The following PCDHGA4 variants were observed in gnomAD, a reference collection of about 807,000 sequenced individuals.
PCDHGA4 encodes protocadherin gamma-A4.
A neutral mutation model predicts 54.6 loss-of-function variants in PCDHGA4; 38 were observed. That is an observed-to-expected ratio of 0.70 (90% CI 0.54 to 0.91). The LOEUF is 0.91. Among genes scored for constraint, PCDHGA4 ranks in the 40% least tolerant of loss-of-function variants. The pLI is 0.00. For missense variants in PCDHGA4, 1,298 were observed against 1,220.9 expected, an observed-to-expected ratio of 1.06 and a Z score of -0.94; for synonymous variants, 511 against 512.9, an observed-to-expected ratio of 1.00 and a Z score of 0.05.
chr5:141,438,526 G>A (rs188552043), intron 1 of PCDHGA4, among the ~76,000 whole-genome samples: 11 of 143,330 alleles, frequency 7.7e-5, no homozygotes, highest in Non-Finnish European at 1.5e-4. Flanking sequence ...ATTTTACATG[G>A]ACTTTTCCTC....
intron 1 of PCDHGA4, chr5:141,361,605 C>T (rs1291967828): frequency 4.3e-6 from 7 of 1,613,908 alleles, no homozygotes; most frequent in South Asian, 1.1e-5. Flanking sequence ...TTTCCTACTC[C>T]ATCGTAGCGA....
chr5:141,394,393 A>G lies in PCDHGA4; in HGVS notation c.2514+36772A>G, dbSNP rs201461446. ...TCTTTCGACTATGAGCAGATCCGAG[A>G]CCTGCAGCTACTGGTAACAGCCAGC... On this transcript the variant is annotated intron_variant, in intron 1 of 3. Coordinates refer to ENST00000571252, the MANE Select transcript of PCDHGA4 (RefSeq NM_018917.4). The G allele has an allele frequency of 4.3e-4, 696 of 1,614,048 alleles. No individual in the cohort carries two copies. The highest frequency in any genetic ancestry group is 5.7e-4 in the Non-Finnish European group (671 of 1,180,036).
At chr5:141,379,257 AG>A (rs1177830899) in intron 1 of PCDHGA4, 8 of 152,234 alleles carry the variant, frequency 5.3e-5, no homozygotes, top group Non-Finnish European at 1.2e-4. Flanking sequence ...TTTACATTTA[AG>A]GAATTGTTAT....
chr5:141,385,588 A>G (rs1290476871), intron 1 of PCDHGA4: 11 of 1,258,860 alleles, frequency 8.7e-6, no homozygotes, highest in East Asian at 3.3e-5. Context: ...CTATGTTCCA[A>G]CCTACTTTCT....
At chr5:141,413,306 A>G in intron 1 of PCDHGA4, 1 of 1,613,958 alleles carries the variant, frequency 6.2e-7, no homozygotes, top group Non-Finnish European at 8.5e-7. Context: ...GAGGAATTAG[A>G]GAAAGGCTCT....
At chr5:141,388,104 T>C in intron 1 of PCDHGA4, 1 of 1,386,112 alleles carries the variant, frequency 7.2e-7, no homozygotes, top group Non-Finnish European at 1.0e-6. Context: ...GGAGAAGCCT[T>C]ACTTCACCGT....
In PCDHGA4 at chr5:141,399,312, A is replaced by C. The variant is rs142753281; in HGVS notation, c.2514+41691A>C. 774 of 1,613,972 alleles carry C rather than the reference A, an allele frequency of 4.8e-4. 4 individuals carry two copies. The African/African-American group carries it at 8.9e-3, about 19-fold the overall frequency. ...CTTTTAAGATTATCTCTTCATCCAAAAATTCGTATAAGTTGGTAACAGATG... is the reference window on the plus strand; with the variant it reads ...CTTTTAAGATTATCTCTTCATCCAACAATTCGTATAAGTTGGTAACAGATG... On this transcript the variant is annotated intron_variant, in intron 1 of 3. Transcript: ENST00000571252.
intron 1 of PCDHGA4, chr5:141,375,764 G>C (rs746447899): frequency 1.9e-6 from 3 of 1,614,234 alleles, no homozygotes; most frequent in Non-Finnish European, 1.7e-6. Flanking sequence ...CAATGCGCCC[G>C]AGATCCTGTA....
chr5:141,389,942 G>C lies in PCDHGA4; in HGVS notation c.2514+32321G>C, dbSNP rs775707080. On this transcript the variant is annotated intron_variant, in intron 1 of 3. Coordinates refer to ENST00000571252, the MANE Select transcript of PCDHGA4 (RefSeq NM_018917.4). ...ACCCCTCTGACCTCCAGGCTGAGCT[G>C]CAGTTTTACCTAGTGGTGGCCTTGG... is the stretch of plus-strand genomic sequence containing the variant. The C allele has an allele frequency of 2.5e-6, 4 of 1,613,952 alleles. No individual in the cohort carries two copies. The African/African-American group carries it at 5.3e-5, about 22-fold the overall frequency.
chr5:141,427,854 TGC>T (rs2097079964), intron 1 of PCDHGA4: 1 of 1,553,594 alleles, frequency 6.4e-7, no homozygotes, highest in Non-Finnish European at 8.8e-7. Context: ...CGAGCAGCTG[TGC>T]GCCTTCGAGC....
At position 141,491,222 on chromosome 5, in the gene PCDHGA4, C is replaced by A. The variant is rs1185734506; in HGVS notation, c.2515-3585C>A. 6.2e-7 allele frequency: 1 copy of A among 1,614,268 alleles called. No homozygotes were observed. Among genetic ancestry groups the A allele is most frequent in the East Asian group, 2.2e-5 (1 of 44,892 alleles). On this transcript the variant is annotated intron_variant, in intron 1 of 3. Transcript: ENST00000571252. This position sits in a 1 kb window ranked among gnomAD's most constrained non-coding sequence, Gnocchi z 6.9. Reference sequence around the variant, plus strand: ...GACCCTTCACTCTCCTCCACAGCCACAGTGCTGCTGGTTCTGGAGGATGAG... The same window carrying A: ...GACCCTTCACTCTCCTCCACAGCCAAAGTGCTGCTGGTTCTGGAGGATGAG...
At chr5:141,501,103 G>A (rs1449600108) in intron 2 of PCDHGA4, among the ~76,000 whole-genome samples, 9 of 152,078 alleles carry the variant, frequency 5.9e-5, no homozygotes, top group African/African-American at 1.4e-4. Context: ...TCTTGACCTC[G>A]TGATCCGCCT....
chr5:141,506,415 C>T lies in PCDHGA4; in HGVS notation c.2662+934C>T, dbSNP rs2099853185. 2.0e-5 allele frequency among the ~76,000 whole-genome samples: 3 copies of T among 148,290 alleles called. No homozygotes were observed. The South Asian group carries it at 6.4e-4, about 32-fold the overall frequency. On this transcript the variant is annotated intron_variant, in intron 3 of 3. Coordinates refer to ENST00000571252, the MANE Select transcript of PCDHGA4 (RefSeq NM_018917.4). ...GAGCAGAAAATCGCACCACTGCACT[C>T]CAGCCTGGGCAACAGTCTCGCTCTG...
chr5:141,485,359 C>T lies in PCDHGA4; in HGVS notation c.2515-9448C>T. ...TGGATACGGACAGTCTGTCAGCTCG[C>T]AGGCTGCAGGTCGCTGGAGAGGTGA... is the stretch of plus-strand genomic sequence containing the variant. On this transcript the variant is annotated intron_variant, in intron 1 of 3. Transcript: ENST00000571252. The surrounding 1 kb of genome is among the most constrained non-coding windows in gnomAD (Gnocchi z 5.7). 6.2e-7 allele frequency: 1 copy of T among 1,614,144 alleles called. No homozygotes were observed. The highest frequency in any genetic ancestry group is 8.5e-7 in the Non-Finnish European group (1 of 1,180,010).
Position 141,355,547 on chromosome 5 carries a change from T to A in PCDHGA4, c.440T>A (p.Ile147Asn). 1.2e-6 allele frequency: 2 copies of A among 1,613,910 alleles called. No individual in the cohort carries two copies. Among genetic ancestry groups the A allele is most frequent in the Non-Finnish European group, 1.7e-6 (2 of 1,179,870 alleles). ...ATTCTTCTAGAAGATACAGTGAAGA[T>A]TTTGCGGGTAGAGGTGGAAATAATC... is the stretch of plus-strand genomic sequence containing the variant. ...LEILLEDTVK[I>N]LRVEVEIIDV... is the part of the protein sequence containing the mutation. Residue 147 changes from isoleucine to asparagine, a missense_variant, in exon 1 of 4, where the codon ATT becomes AAT. Transcript: ENST00000571252.
intron 1 of PCDHGA4, chr5:141,409,049 AG>A: frequency 6.2e-7 from 1 of 1,614,028 alleles, no homozygotes; most frequent in African/African-American, 1.3e-5. Context: ...CTACTTCCGA[AG>A]CACTGCCCAG....
At chr5:141,438,883 C>T (rs1026043786) in intron 1 of PCDHGA4, among the ~76,000 whole-genome samples, 4 of 151,728 alleles carry the variant, frequency 2.6e-5, no homozygotes, top group Non-Finnish European at 5.9e-5. Context: ...CCAGGCTGCT[C>T]TTGAACTCCT....
At chr5:141,503,598 C>CAAA (rs765754054) in intron 2 of PCDHGA4, among the ~76,000 whole-genome samples, 1 of 65,748 alleles carries the variant, frequency 1.5e-5, no homozygotes. Context: ...GACTCCAGCT[C>CAAA]AAAAAAAAAA....
chr5:141,428,037 C>G lies in PCDHGA4; in HGVS notation c.2515-66770C>G, dbSNP rs762273592. 3.7e-6 allele frequency: 6 copies of G among 1,608,340 alleles called. No homozygotes were observed. In the African/African-American group the frequency reaches 8.0e-5, roughly 21 times the overall value. ...GCCACGCGCCGCAGAGTCCGGCTACCTGGTGACCAAGGTGGTGGCGGTGGA... is the reference window on the plus strand; with the variant it reads ...GCCACGCGCCGCAGAGTCCGGCTACGTGGTGACCAAGGTGGTGGCGGTGGA... On this transcript the variant is annotated intron_variant, in intron 1 of 3. Coordinates refer to ENST00000571252, the MANE Select transcript of PCDHGA4 (RefSeq NM_018917.4).
Sources: allele counts gnomAD v4.1 joint callset (sites outside exome capture counted in the v4.1 genomes callset), GRCh38; gene constraint gnomAD v4.1.1; non-coding constraint Gnocchi (gnomAD v3.1); transcripts MANE v1.5; gene names NCBI Gene and HGNC (gene_info 2026-07-23, HGNC 2026-07-21).